The following ADGRF3 variants were observed in gnomAD, a reference collection of about 807,000 sequenced individuals.
The protein encoded by ADGRF3 is adhesion G protein-coupled receptor F3, also known as G protein-coupled receptor 113.
In ADGRF3, 85 loss-of-function variants were observed where a neutral mutation model predicts 93.2. That is an observed-to-expected ratio of 0.91 (90% CI 0.77 to 1.09). The LOEUF is 1.09. ADGRF3 is among the 50% of genes least tolerant of loss of function. ADGRF3 has a pLI of 0.00. For synonymous variants in ADGRF3, 534 were observed against 532.5 expected (o/e 1.00, Z -0.04); for missense variants, 1,125 against 1,246.2 (o/e 0.90, Z 1.46).
intron 1 of ADGRF3, among the ~76,000 whole-genome samples, chr2:26,337,039 G>C (rs1185212476): frequency 1.3e-5 from 2 of 152,222 alleles, no homozygotes; most frequent in Non-Finnish European, 2.9e-5. Context: ...TGATCTAGGT[G>C]TAAGTCAGTG....
intron 1 of ADGRF3, among the ~76,000 whole-genome samples, chr2:26,328,016 T>C (rs1369887940): frequency 6.6e-6 from 1 of 152,088 alleles, no homozygotes; most frequent in East Asian, 1.9e-4. Context: ...GGTAGAAAAG[T>C]GGTCATTATA....
chr2:26,338,480 G>GTTTTT (rs1676175661), intron 1 of ADGRF3, among the ~76,000 whole-genome samples: 1 of 152,098 alleles, frequency 6.6e-6, no homozygotes, highest in Non-Finnish European at 1.5e-5. Flanking sequence ...GTTTTGTTTT[G>GTTTTT]AGACGGAGTT....
intron 1 of ADGRF3, among the ~76,000 whole-genome samples, chr2:26,325,746 C>A (rs188768631): frequency 4.2e-4 from 64 of 152,236 alleles, no homozygotes; most frequent in African/African-American, 1.4e-3. Flanking sequence ...AGCCAGGGTC[C>A]TGACTAATTT....
intron 1 of ADGRF3, among the ~76,000 whole-genome samples, chr2:26,331,617 C>A (rs1675773822): frequency 6.6e-6 from 1 of 152,164 alleles, no homozygotes; most frequent in Non-Finnish European, 1.5e-5. Context: ...GTAATCCCAG[C>A]TACTTGGGAG....
At chr2:26,327,243 G>A (rs1457170156) in intron 1 of ADGRF3, among the ~76,000 whole-genome samples, 1 of 152,214 alleles carries the variant, frequency 6.6e-6, no homozygotes, top group Non-Finnish European at 1.5e-5. Context: ...TTTCTGTCAT[G>A]GGGACTGGGA....
chr2:26,323,070 C>T (rs1211283826), intron 1 of ADGRF3, among the ~76,000 whole-genome samples: 4 of 152,014 alleles, frequency 2.6e-5, no homozygotes, highest in African/African-American at 4.8e-5. Context: ...ACCCAGGAGG[C>T]GGAGGTTGCA....
chr2:26,341,899 C>T (rs1401514896), intron 1 of ADGRF3, among the ~76,000 whole-genome samples: 1 of 151,980 alleles, frequency 6.6e-6, no homozygotes, highest in Non-Finnish European at 1.5e-5. Context: ...CGGTGAAACC[C>T]CGTCTCTACT....
chr2:26,341,420 TCA>T (rs1363216640), intron 1 of ADGRF3, among the ~76,000 whole-genome samples: 1 of 151,690 alleles, frequency 6.6e-6, no homozygotes, highest in Non-Finnish European at 1.5e-5. Flanking sequence ...TGAGAATAAG[TCA>T]CAAAATAGCA....
intron 1 of ADGRF3, among the ~76,000 whole-genome samples, chr2:26,324,365 T>G (rs1675324240): frequency 6.6e-6 from 1 of 152,198 alleles, no homozygotes; most frequent in African/African-American, 2.4e-5. Context: ...TTATTTTAGG[T>G]TCAGGGGTAC....
chr2:26,310,918 A>C lies in ADGRF3; in HGVS notation c.2606T>G (p.Ile869Arg), dbSNP rs1229819508. The C allele has an allele frequency of 6.2e-7, 1 of 1,613,070 alleles. No individual in the cohort carries two copies. The highest frequency in any genetic ancestry group is 8.5e-7 in the Non-Finnish European group (1 of 1,179,502). Residue 869 changes from isoleucine (I) to arginine (R), a missense_variant, in exon 10 of 14, where the codon ATA becomes AGA. By Grantham distance (97) the Ile-to-Arg change is moderately conservative (BLOSUM62 -3). Transcript: ENST00000651242. ...YTFVGPVLAI[I>R]GVNGLVLAMA... Reference sequence around the variant, plus strand: ...GGCTAGTACCAGCCCATTCACGCCTATGATGGCCAGCACTGGCCCCACGAA... The same window carrying C: ...GGCTAGTACCAGCCCATTCACGCCTCTGATGGCCAGCACTGGCCCCACGAA...
Position 26,310,224 on chromosome 2 carries a change from A to G in ADGRF3, c.2846T>C (p.Leu949Pro). Residue 949 changes from leucine (L) to proline (P), a missense_variant, in exon 11 of 14, where the codon CTA (leucine) becomes CCA (proline). Leu to Pro is a moderately conservative substitution (Grantham distance 98). Transcript: ENST00000651242. ...CCTGTCCATGAGGCAACCAAACAAT[A>G]GGATGAAGACGCCCTGAGAAGAGGG... The part of the protein sequence containing the change: ...ILNTLQGVFI[L>P]LFGCLMDRKI... The G allele has an allele frequency of 6.2e-7, 1 of 1,614,032 alleles. No homozygotes were observed.
chr2:26,346,037 G>A, intron 1 of ADGRF3, 84 bp downstream of exon 1: 6 of 1,385,348 alleles, frequency 4.3e-6, no homozygotes, highest in Non-Finnish European at 5.9e-6. Context: ...GGGGAGAAGC[G>A]TGGGCTGCGC....
At chr2:26,314,700 C>A in intron 5 of ADGRF3, 77 bp from the exon 6 acceptor site, 1 of 1,357,556 alleles carries the variant, frequency 7.4e-7, no homozygotes, top group Non-Finnish European at 1.0e-6. Flanking sequence ...GCTTTCCAAG[C>A]CACAGCCTTG....
intron 1 of ADGRF3, among the ~76,000 whole-genome samples, chr2:26,323,578 C>T (rs549294745): frequency 6.6e-6 from 1 of 151,660 alleles, no homozygotes; most frequent in African/African-American, 2.4e-5. Context: ...GTTGGGATTA[C>T]AGGCGTGAGC....
At chr2:26,327,022 G>A (rs954323449) in intron 1 of ADGRF3, among the ~76,000 whole-genome samples, 4 of 152,210 alleles carry the variant, frequency 2.6e-5, no homozygotes, top group East Asian at 3.8e-4. Context: ...CACCTGCCTC[G>A]GCCTCCCGAA....
At chr2:26,325,584 A>G (rs978125166) in intron 1 of ADGRF3, among the ~76,000 whole-genome samples, 6 of 152,154 alleles carry the variant, frequency 3.9e-5, no homozygotes, top group Non-Finnish European at 7.3e-5. Context: ...AAACTCATGA[A>G]ATTTCTGATG....
chr2:26,332,473 C>T (rs1675818614), intron 1 of ADGRF3, among the ~76,000 whole-genome samples: 1 of 152,214 alleles, frequency 6.6e-6, no homozygotes, highest in South Asian at 2.1e-4. Context: ...GGCATGGTGG[C>T]TCACACCTGT....
chr2:26,310,305 T>G, intron 10 of ADGRF3, 68 bp from the exon 11 acceptor site: 1 of 1,554,756 alleles, frequency 6.4e-7, no homozygotes, highest in Non-Finnish European at 8.9e-7. Context: ...ACATGCTCCT[T>G]CTGTCCTGTG....
chr2:26,319,142 G>A (rs1351931990), intron 1 of ADGRF3: 34 of 1,335,528 alleles, frequency 2.5e-5, no homozygotes, highest in Non-Finnish European at 3.3e-5. Flanking sequence ...GAGGGAAGAG[G>A]GGAGGGAGCC....
Sources: allele counts gnomAD v4.1 joint callset (sites outside exome capture counted in the v4.1 genomes callset), GRCh38; gene constraint gnomAD v4.1.1; transcripts MANE v1.5; gene names NCBI Gene and HGNC (gene_info 2026-07-23, HGNC 2026-07-21).